The following CEP63 variants were observed in gnomAD, a reference collection of about 807,000 sequenced individuals.
The protein encoded by CEP63 is centrosomal protein 63.
A neutral mutation model predicts 89.1 loss-of-function variants in CEP63; 84 were observed. That is an observed-to-expected ratio of 0.94 (90% CI 0.79 to 1.13). The LOEUF is 1.13. Among genes scored for constraint, CEP63 ranks in the 50% most tolerant of loss-of-function variants. CEP63 has a pLI of 0.00. For synonymous variants in CEP63, 267 were observed against 272.5 expected (o/e 0.98, Z 0.20); for missense variants, 838 against 813.3 (o/e 1.03, Z -0.37).
At chr3:134,542,211 T>G (rs1952189383) in intron 6 of CEP63, among the ~76,000 whole-genome samples, 1 of 152,222 alleles carries the variant, frequency 6.6e-6, no homozygotes, top group African/African-American at 2.4e-5. Context: ...TTAAATCCAC[T>G]GTTAATTATA....
the CEP63 span, among the ~76,000 whole-genome samples, chr3:134,627,320 G>A: frequency 2.0e-5 from 3 of 152,164 alleles, no homozygotes; most frequent in African/African-American, 7.2e-5. Context: ...GGGAAACTGA[G>A]GCACAGGGAA....
chr3:134,669,559 G>C, the CEP63 span, among the ~76,000 whole-genome samples: 3 of 152,294 alleles, frequency 2.0e-5, no homozygotes, highest in African/African-American at 7.2e-5. Context: ...TGATTGATCA[G>C]CTTCCGCATG....
At chr3:134,657,809 C>T in the CEP63 span, among the ~76,000 whole-genome samples, 32,413 of 152,166 alleles carry the variant, frequency 0.21, 3,966 homozygotes, top group Non-Finnish European at 0.28. Context: ...GTCAACCTCT[C>T]CATACACTAT....
At chr3:134,675,879 T>C in the CEP63 span, among the ~76,000 whole-genome samples, 1 of 152,192 alleles carries the variant, frequency 6.6e-6, no homozygotes, top group South Asian at 2.1e-4. Flanking sequence ...AGATAGATGA[T>C]AACAAGTGTT....
At chr3:134,608,969 C>G in the CEP63 span, 1 of 1,015,860 alleles carries the variant, frequency 9.8e-7, no homozygotes, top group South Asian at 1.7e-5. Context: ...AACATGGGCA[C>G]TGGAGACTCC....
chr3:134,664,113 C>T, the CEP63 span, among the ~76,000 whole-genome samples: 89,959 of 152,040 alleles, frequency 0.59, 28,084 homozygotes, highest in East Asian at 0.88. Context: ...CCTCCGGCAT[C>T]TGGACACCTG....
chr3:134,696,376 C>A, the CEP63 span, among the ~76,000 whole-genome samples: 3 of 152,154 alleles, frequency 2.0e-5, no homozygotes, highest in Admixed American at 2.0e-4. Flanking sequence ...GCAGCTCCTG[C>A]AAAATGTCTC....
At chr3:134,699,529 C>G in the CEP63 span, among the ~76,000 whole-genome samples, 1 of 152,244 alleles carries the variant, frequency 6.6e-6, no homozygotes, top group Non-Finnish European at 1.5e-5. Context: ...GCATACAGGA[C>G]AGACTGTCTC....
At chr3:134,577,125 C>T (rs1174721196), downstream of CEP63, among the ~76,000 whole-genome samples, 1 of 152,138 alleles carries the variant, frequency 6.6e-6, no homozygotes, top group African/African-American at 2.4e-5. Flanking sequence ...CTCCCCTTGT[C>T]TGCAGGGCTC....
chr3:134,774,067 A>C, the CEP63 span, among the ~76,000 whole-genome samples: 1 of 152,330 alleles, frequency 6.6e-6, no homozygotes, highest in Middle Eastern at 3.4e-3. Context: ...TTACTGATGC[A>C]GAGGCTTTCC....
chr3:134,561,027 A>G (rs1957253309), intron 14 of CEP63, among the ~76,000 whole-genome samples: 1 of 152,236 alleles, frequency 6.6e-6, no homozygotes, highest in Non-Finnish European at 1.5e-5. Flanking sequence ...TTGTGCTTTA[A>G]AATAAAAGTG....
At chr3:134,503,603 G>T (rs183696499) in intron 2 of CEP63, among the ~76,000 whole-genome samples, 1 of 152,022 alleles carries the variant, frequency 6.6e-6, no homozygotes, top group Admixed American at 6.6e-5. Context: ...TCAAAGTGGG[G>T]TACCGAAGTC....
the CEP63 span, among the ~76,000 whole-genome samples, chr3:134,736,075 G>A: frequency 1.3e-5 from 2 of 152,102 alleles, no homozygotes; most frequent in African/African-American, 4.8e-5. Flanking sequence ...GATCAAGTTA[G>A]TTTTATCCCA....
At chr3:134,732,175 T>C in the CEP63 span, among the ~76,000 whole-genome samples, 5 of 152,130 alleles carry the variant, frequency 3.3e-5, no homozygotes, top group African/African-American at 1.2e-4. Context: ...TGAACTTCAC[T>C]AAACTGACAG....
the CEP63 span, among the ~76,000 whole-genome samples, chr3:134,627,266 T>A: frequency 2.0e-5 from 3 of 152,060 alleles, no homozygotes; most frequent in Non-Finnish European, 4.4e-5. Flanking sequence ...TAGGAAGAAG[T>A]ATGGAGCTGC....
the CEP63 span, among the ~76,000 whole-genome samples, chr3:134,759,896 A>T: frequency 3.3e-5 from 5 of 152,202 alleles, no homozygotes; most frequent in African/African-American, 1.2e-4. Context: ...TGCTCTTCTT[A>T]TCCCTGTTTT....
the CEP63 span, among the ~76,000 whole-genome samples, chr3:134,618,226 A>T: frequency 6.6e-6 from 1 of 152,152 alleles, no homozygotes; most frequent in South Asian, 2.1e-4. Flanking sequence ...GGCCAGGAAT[A>T]GGTTGCATGC....
intron 2 of CEP63, among the ~76,000 whole-genome samples, chr3:134,498,743 A>C (rs1219561412): frequency 6.6e-6 from 1 of 151,996 alleles, no homozygotes; most frequent in East Asian, 1.9e-4. Flanking sequence ...TATGCTTGAG[A>C]GTTTTTATCA....
the CEP63 span, among the ~76,000 whole-genome samples, chr3:134,688,401 A>G: frequency 6.6e-6 from 1 of 152,236 alleles, no homozygotes; most frequent in East Asian, 1.9e-4. Context: ...GCAAATGGAC[A>G]CAAAGCTACT....
Sources: gnomAD v4.1 joint callset for allele counts (sites outside exome capture counted in the v4.1 genomes callset) on GRCh38, gnomAD v4.1.1 for gene constraint, MANE v1.5 for transcripts, NCBI Gene and HGNC (gene_info 2026-07-23, HGNC 2026-07-21) for gene names.